The following PSMB6 variants were observed in gnomAD, a reference collection of about 807,000 sequenced individuals.
PSMB6 encodes the protein proteasome subunit beta type-6.
PSMB6 carries 11 observed loss-of-function variants against 28.2 expected under a neutral mutation model. The observed-to-expected ratio is 0.39, with a 90% CI of 0.25 to 0.65. PSMB6 has a LOEUF of 0.65. Ranked by LOEUF, PSMB6 falls within the 30% of genes least tolerant of loss-of-function variation. The pLI is 0.48. For synonymous variants in PSMB6, 126 were observed against 117.7 expected (o/e 1.07, Z -0.45); for missense variants, 268 against 319.4 (o/e 0.84, Z 1.23).
At chr17:4,797,288 C>G (rs1905364327) in intron 2 of PSMB6, 150 bp from the exon 3 acceptor site, 1 of 985,780 alleles carries the variant, frequency 1.0e-6, no homozygotes, top group African/African-American at 1.6e-5. Flanking sequence ...GTACTCCAGC[C>G]TGGGCAACAG....
intron 2 of PSMB6, 139 bp from the exon 3 acceptor site, chr17:4,797,299 A>C: frequency 9.2e-7 from 1 of 1,088,166 alleles, no homozygotes; most frequent in South Asian, 1.6e-5. Context: ...TGGGCAACAG[A>C]GCGAGACTCC....
intron 4 of PSMB6, 55 bp downstream of exon 4, chr17:4,797,866 C>A (rs763880647): frequency 9.0e-5 from 145 of 1,608,108 alleles, no homozygotes; most frequent in Admixed American, 1.2e-4. Flanking sequence ...ATCCTCTCCC[C>A]AGCCATTTTC....
chr17:4,797,325 G>C lies in PSMB6; in HGVS notation c.171-113G>C, dbSNP rs150350120. 1,261 of 1,361,880 alleles carry C rather than the reference G, an allele frequency of 9.3e-4. 12 individuals are homozygous for C. The African/African-American group carries it at 0.017, about 18-fold the overall frequency. The allele number at this position is 1,361,880 out of a possible 1,614,324, so 84.4% of individuals were successfully genotyped here. A position where few individuals can be genotyped will look rare whatever the true frequency, so the allele number is the denominator to read the frequency against. ...GCGAGACTCCATCTCAAAGAAAAAG[G>C]AAAAAAAGGCAATACTGGACATCCT... On this transcript the variant is annotated intron_variant, in intron 2 of 5. Coordinates refer to ENST00000270586, the MANE Select transcript of PSMB6 (RefSeq NM_002798.3).
At chr17:4,797,949 T>A (rs1905393083) in intron 4 of PSMB6, 60 bp from the exon 5 acceptor site, 2 of 1,608,354 alleles carry the variant, frequency 1.2e-6, no homozygotes. Context: ...AATGGACAGG[T>A]GAATGTACGT....
intron 2 of PSMB6, chr17:4,797,068 C>T (rs1905351496): frequency 2.2e-6 from 1 of 461,988 alleles, no homozygotes; most frequent in African/African-American, 2.0e-5. Context: ...AATCCCAGTA[C>T]TTTGGGAGGC....
intron 2 of PSMB6, 89 bp from the exon 3 acceptor site, chr17:4,797,349 C>G: frequency 6.8e-7 from 1 of 1,464,786 alleles, no homozygotes; most frequent in South Asian, 1.4e-5. Flanking sequence ...ACTGGACATC[C>G]TATCCCTGAG....
chr17:4,796,175 G>C lies in PSMB6; in HGVS notation c.-20G>C, dbSNP rs920283823. Reference sequence around the variant, plus strand: ...GAGCGCTTTACGACAGTTGCTTTGAGGCAGTACCGGAGGAGAAAGATGGCG... The same window carrying C: ...GAGCGCTTTACGACAGTTGCTTTGACGCAGTACCGGAGGAGAAAGATGGCG... On this transcript the variant is annotated 5_prime_UTR_variant, in exon 1 of 6. Coordinates refer to ENST00000270586, the MANE Select transcript of PSMB6 (RefSeq NM_002798.3). The C allele has an allele frequency of 6.4e-7, 1 of 1,563,926 alleles. No homozygotes were observed. Among genetic ancestry groups the C allele is most frequent in the Non-Finnish European group, 8.7e-7 (1 of 1,152,896 alleles).
In PSMB6 at chr17:4,797,477, T is replaced by C; in HGVS notation, c.210T>C (p.Pro70=). 2 of 1,598,022 alleles carry C rather than the reference T, an allele frequency of 1.3e-6. No homozygotes were observed. Among genetic ancestry groups the C allele is most frequent in the Admixed American group, 1.7e-5 (1 of 58,392 alleles). Residue 70 remains proline (P), a synonymous_variant, in exon 3 of 6, where the codon CCT becomes CCC. Coordinates refer to ENST00000270586, the MANE Select transcript of PSMB6 (RefSeq NM_002798.3). ...ATCGAGTGACTGACAAGCTGACACC[T>C]ATTCACGACCGCATTTTCTGCTGTC... is the stretch of plus-strand genomic sequence containing the variant. ...IANRVTDKLT[P]IHDRIFCCRS... is the part of the protein sequence containing the mutation.
At chr17:4,797,328 A>G (rs1376022349) in intron 2 of PSMB6, 110 bp from the exon 3 acceptor site, 1 of 1,385,684 alleles carries the variant, frequency 7.2e-7, no homozygotes, top group Admixed American at 2.4e-5. Context: ...GAAAAAGGAA[A>G]AAAAGGCAAT....
chr17:4,798,404 C>T lies in PSMB6; in HGVS notation c.702C>T (p.Ala234=). Residue 234 remains alanine (A), a synonymous_variant, in exon 6 of 6, where the codon GCC becomes GCT. Transcript: ENST00000270586. ...LGDQIPKFAV[A]TLPPA ...ACCAGATACCCAAATTCGCCGTTGC[C>T]ACTTTACCACCCGCCTGAATCCTGG... is the stretch of plus-strand genomic sequence containing the variant. 1.2e-6 allele frequency: 2 copies of T among 1,614,170 alleles called. No homozygotes were observed. The highest frequency in any genetic ancestry group is 1.1e-5 in the South Asian group (1 of 91,080).
rs774669346 is a variant in PSMB6 at position 4,798,108 on chromosome 17, C to T, written c.532C>T (p.Arg178Trp). ...YIYGYVDATY[R>W]EGMTKEECLQ... Reference sequence around the variant, plus strand: ...CTATGGCTATGTTGATGCTACCTACCGGGAAGGCATGACCAAGGAAGAGTG... The same window carrying T: ...CTATGGCTATGTTGATGCTACCTACTGGGAAGGCATGACCAAGGAAGAGTG... Residue 178 changes from arginine (R) to tryptophan (W), a missense_variant, in exon 5 of 6, where the codon CGG becomes TGG. Coordinates refer to ENST00000270586, the MANE Select transcript of PSMB6 (RefSeq NM_002798.3). The T allele has an allele frequency of 7.4e-6, 12 of 1,614,012 alleles. No individual in the cohort carries two copies. The highest frequency in any genetic ancestry group is 1.7e-5 in the Admixed American group (1 of 59,994).
chr17:4,797,392 T>A, intron 2 of PSMB6, 46 bp from the exon 3 acceptor site: 1 of 1,519,716 alleles, frequency 6.6e-7, no homozygotes, highest in Non-Finnish European at 8.8e-7. Context: ...GGGATGGAGG[T>A]GGAAGACAGG....
In PSMB6 at chr17:4,798,300, C is replaced by A. The variant is rs767131809; in HGVS notation, c.598C>A (p.Arg200=). 1 of 1,614,144 alleles carries A rather than the reference C, an allele frequency of 6.2e-7. No homozygotes were observed. Among genetic ancestry groups the A allele is most frequent in the Admixed American group, 1.7e-5 (1 of 60,000 alleles). ...CACAGCTCTCGCTTTGGCCATGGAG[C>A]GGGATGGCTCCAGTGGAGGAGTGAT... ...TANALALAME[R]DGSSGGVIRL... is the part of the protein sequence containing the mutation. The change falls in exon 6 of 6, where the codon CGG becomes AGG. Residue 200 remains arginine, a synonymous_variant. Coordinates refer to ENST00000270586, the MANE Select transcript of PSMB6 (RefSeq NM_002798.3).
intron 2 of PSMB6, 67 bp from the exon 3 acceptor site, chr17:4,797,371 T>G: frequency 6.7e-7 from 1 of 1,495,654 alleles, no homozygotes; most frequent in East Asian, 2.3e-5. Context: ...CCTAAGAGAG[T>G]GGGTAGTGAT....
At chr17:4,797,895 A>T in intron 4 of PSMB6, 84 bp downstream of exon 4, 1 of 1,604,822 alleles carries the variant, frequency 6.2e-7, no homozygotes, top group Non-Finnish European at 8.5e-7. Flanking sequence ...TCCAGTCTCT[A>T]CCTCACTTAT....
rs1905415406 is a variant in PSMB6, at chr17:4,798,473, T to A, written c.*51T>A. 3 of 1,546,092 alleles carry A rather than the reference T, an allele frequency of 1.9e-6. No homozygotes were observed. The Admixed American group carries it at 6.3e-5, about 33-fold the overall frequency. On this transcript the variant is annotated 3_prime_UTR_variant, in exon 6 of 6. Transcript: ENST00000270586. ...GAGATGCCCTGTACTGATGCAAAAT[T>A]TAATAAAGTTTGTCACAGAGAATCT...
At position 4,797,970 on chromosome 17, in the gene PSMB6, G is replaced by A. The variant is rs747305188; in HGVS notation, c.433-39G>A. 6 of 1,612,552 alleles carry A rather than the reference G, an allele frequency of 3.7e-6. No homozygotes were observed. The Admixed American group carries it at 5.0e-5, about 13-fold the overall frequency. On this transcript the variant is annotated intron_variant, in intron 4 of 5. Coordinates refer to ENST00000270586, the MANE Select transcript of PSMB6 (RefSeq NM_002798.3). Reference sequence around the variant, plus strand: ...CAGGTGAATGTACGTGTGTTGGAGGGAGGATACGACTGGTGACTCCTCTCC... The same window carrying A: ...CAGGTGAATGTACGTGTGTTGGAGGAAGGATACGACTGGTGACTCCTCTCC...
chr17:4,798,065 C>G lies in PSMB6; in HGVS notation c.489C>G (p.Gly163=), dbSNP rs768985589. The G allele has an allele frequency of 6.2e-7, 1 of 1,614,142 alleles. No homozygotes were observed. Among genetic ancestry groups the G allele is most frequent in the East Asian group, 2.2e-5 (1 of 44,886 alleles). Residue 163 remains glycine, a synonymous_variant, in exon 5 of 6, where the codon GGC becomes GGG. Transcript: ENST00000270586. Reference sequence around the variant, plus strand: ...TAAGGCAGTCCTTTGCCATTGGAGGCTCCGGGAGCTCCTACATCTATGGCT... The same window carrying G: ...TAAGGCAGTCCTTTGCCATTGGAGGGTCCGGGAGCTCCTACATCTATGGCT... ...MMVRQSFAIG[G]SGSSYIYGYV...
At chr17:4,796,987 G>T in intron 2 of PSMB6, 192 bp downstream of exon 2, 1 of 602,366 alleles carries the variant, frequency 1.7e-6, no homozygotes, top group Non-Finnish European at 2.9e-6. Context: ...ACAAAAGTCT[G>T]TTCTCCAGCC....
Sources: allele counts gnomAD v4.1 joint callset, GRCh38; gene constraint gnomAD v4.1.1; transcripts MANE v1.5; gene names NCBI Gene and HGNC (gene_info 2026-07-23, HGNC 2026-07-21).